The following PDZD7 variants were observed in gnomAD, a reference collection of about 807,000 sequenced individuals.
The protein encoded by PDZD7 is PDZ domain-containing protein 7.
PDZD7 carries 72 observed loss-of-function variants against 84.7 expected under a neutral mutation model. That is an observed-to-expected ratio of 0.85 (90% confidence interval 0.70 to 1.03). PDZD7 has a LOEUF of 1.03. Ranked by LOEUF, PDZD7 falls within the 50% of genes least tolerant of loss-of-function variation. The pLI is 0.00. For synonymous variants in PDZD7, 594 were observed against 580.7 expected, an observed-to-expected ratio of 1.02 and a Z score of -0.33; for missense variants, 1,490 against 1,412.9, an observed-to-expected ratio of 1.05 and a Z score of -0.87.
Position 101,019,201 on chromosome 10 carries a change from C to A in PDZD7, c.945G>T (p.Leu315=). The A allele has an allele frequency of 6.5e-7, 1 of 1,535,894 alleles. No individual in the cohort carries two copies. Among genetic ancestry groups the A allele is most frequent in the South Asian group, 1.2e-5 (1 of 84,026 alleles). ...CWLDRLSNGV[L]QQLSPASESS... Reference sequence around the variant, plus strand: ...TCTCAGAGGCCGGGGACAGCTGCTGCAGCACCCCGTTGCTCACTGCAGGGA... The same window carrying A: ...TCTCAGAGGCCGGGGACAGCTGCTGAAGCACCCCGTTGCTCACTGCAGGGA... The change falls in exon 8 of 17, where the codon CTG becomes CTT. Residue 315 remains leucine, a synonymous_variant. Transcript: ENST00000619208.
chr10:101,016,531 T>A (rs900921448), intron 9 of PDZD7, 104 bp from the exon 10 acceptor site: 2 of 1,239,914 alleles, frequency 1.6e-6, no homozygotes, highest in Non-Finnish European at 2.3e-6. Flanking sequence ...AGACTGGAAG[T>A]AGGTGGGATA....
At chr10:101,026,101 G>C (rs946631970) in intron 2 of PDZD7, among the ~76,000 whole-genome samples, 4 of 152,080 alleles carry the variant, frequency 2.6e-5, no homozygotes, top group African/African-American at 9.7e-5. Flanking sequence ...AGTAGGCGGG[G>C]AAGGGGGTTC....
Position 101,030,106 on chromosome 10 carries a change from G to A in PDZD7, c.114C>T (p.Thr38=). 3.7e-6 allele frequency: 6 copies of A among 1,614,216 alleles called. No homozygotes were observed. Among genetic ancestry groups the A allele is most frequent in the Non-Finnish European group, 5.1e-6 (6 of 1,180,034 alleles). The change falls in exon 2 of 17, where the codon ACC becomes ACT. Residue 38 remains threonine, a synonymous_variant. Transcript: ENST00000619208. ...GCTTCCTTAGCAGGTATCGCGTTGC[G>A]GTGGAGCCTGAGTCGCTGCCTAGGT... ...RGHLGSDSGS[T]ATRYLLRKQQ... is the part of the protein sequence containing the mutation.
In PDZD7 at chr10:101,008,697, G is replaced by C; in HGVS notation, c.2872C>G (p.Pro958Ala). The change falls in exon 17 of 17, where the codon CCC becomes GCC. Residue 958 changes from proline (P) to alanine (A), a missense_variant. Physicochemically the swap from Pro to Ala is conservative, Grantham distance 27. Transcript: ENST00000619208. ...TCAGTAAGGGCTGATGAGTCAGAGGGTGAGGGCCGTGGGCTGGGCCCGGGG... is the reference window on the plus strand; with the variant it reads ...TCAGTAAGGGCTGATGAGTCAGAGGCTGAGGGCCGTGGGCTGGGCCCGGGG... ...RVPGPSPRPS[P>A]SDSSALTDGG... is the part of the protein sequence containing the mutation. 1 of 1,536,024 alleles carries C rather than the reference G, an allele frequency of 6.5e-7. No homozygotes were observed. Among genetic ancestry groups the C allele is most frequent in the Admixed American group, 2.0e-5 (1 of 50,990 alleles).
Position 101,016,972 on chromosome 10 carries a change from G to A in PDZD7, c.1523-545C>T, listed in dbSNP as rs1161780043. 2.6e-5 allele frequency among the ~76,000 whole-genome samples: 4 copies of A among 152,124 alleles called. No homozygotes were observed. The East Asian group carries it at 7.7e-4, about 29-fold the overall frequency. ...GCAGGGTCCAGCTCCTCATCCTCTG[G>A]TTGTTTTGTTGATCCGACATCCACC... On this transcript the variant is annotated intron_variant, in intron 9 of 16. Transcript: ENST00000619208.
chr10:101,009,599 C>CTTTTTTTTT (rs142806278), intron 15 of PDZD7, among the ~76,000 whole-genome samples: 6 of 62,280 alleles, frequency 9.6e-5, no homozygotes, highest in Admixed American at 2.6e-4. Context: ...GAGACAGAGT[C>CTTTTTTTTT]TTTTTTTTTT....
rs1338435699 is a variant in PDZD7, at chr10:101,010,311, G to C, written c.2578C>G (p.Leu860Val). 4.6e-6 allele frequency: 7 copies of C among 1,535,400 alleles called. No individual in the cohort carries two copies. Among genetic ancestry groups the C allele is most frequent in the African/African-American group, 2.7e-5 (2 of 73,020 alleles). Reference sequence around the variant, plus strand: ...ATCTTGGACAGTGTCACTGTCTTCAGCTCGCCACTGGGGTTCTTCATGGCT... The same window carrying C: ...ATCTTGGACAGTGTCACTGTCTTCACCTCGCCACTGGGGTTCTTCATGGCT... ...EAAMKNPSGE[L>V]KTVTLSKMKQ... The change falls in exon 15 of 17, where the codon CTG becomes GTG. Residue 860 changes from leucine to valine, a missense_variant. Transcript: ENST00000619208.
chr10:101,009,339 A>G lies in PDZD7; in HGVS notation c.2629T>C (p.Ser877Pro). The G allele has an allele frequency of 3.9e-6, 6 of 1,535,948 alleles. No individual in the cohort carries two copies. The highest frequency in any genetic ancestry group is 5.2e-6 in the Non-Finnish European group (6 of 1,146,768). ...TGCACCTTGGACTCAATGCCCCCAG[A>G]AATGCTGATACCTAGTGACAGGGAG... Reference protein sequence around the residue: ...KMKQSLGISISGGIESKVQPM... With the variant: ...KMKQSLGISIPGGIESKVQPM... The change falls in exon 16 of 17, where the codon TCT becomes CCT. Residue 877 changes from serine to proline, a missense_variant. Coordinates refer to ENST00000619208, the MANE Select transcript of PDZD7 (RefSeq NM_001195263.2).
chr10:101,019,135 G>C lies in PDZD7; in HGVS notation c.1011C>G (p.Tyr337Ter), dbSNP rs34705415. 9.7e-6 allele frequency: 15 copies of C among 1,546,472 alleles called. No homozygotes were observed. Among genetic ancestry groups the C allele is most frequent in the Non-Finnish European group, 1.3e-5 (15 of 1,152,422 alleles). The change falls in exon 8 of 17, where the codon TAC (tyrosine) becomes TAG (stop). Residue 337 changes from tyrosine to a stop codon, truncating the protein, a stop_gained. Transcript: ENST00000619208. LOFTEE classifies it high-confidence loss of function. Reference sequence around the variant, plus strand: ...GGTCCGACGGCAGGGAGCCCGAGCTGTAGGGGGCGCTGGAGGCGCACGAAG... The same window carrying C: ...GGTCCGACGGCAGGGAGCCCGAGCTCTAGGGGGCGCTGGAGGCGCACGAAG... ...SVSSCASSAP[Y>*]SSGSLPSDRM... is the part of the protein sequence containing the mutation.
intron 2 of PDZD7, among the ~76,000 whole-genome samples, chr10:101,026,350 G>A (rs1446547123): frequency 6.6e-6 from 1 of 151,970 alleles, no homozygotes; most frequent in Non-Finnish European, 1.5e-5. Flanking sequence ...GGCCAGGCTG[G>A]TCTCGAACTC....
rs768381051 is a variant in PDZD7, at chr10:101,018,116, C to T, written c.1505G>A (p.Arg502His). The change falls in exon 9 of 17, where the codon CGC (arginine) becomes CAC (histidine). Residue 502 changes from arginine to histidine, a missense_variant. By Grantham distance (29) the Arg-to-His change is conservative. Transcript: ENST00000619208. ...CTACTTACCTTTCTCTATGTCCAGG[C>T]GAGGGTAAGTTTTGGCCAGGCTCCC... ...DSGSLAKTYP[R>H]LDIEKAGGVG... 3.1e-6 allele frequency: 5 copies of T among 1,614,146 alleles called. No individual in the cohort carries two copies. The highest frequency in any genetic ancestry group is 4.2e-6 in the Non-Finnish European group (5 of 1,180,036).
At chr10:101,022,679 T>A (rs1042681982) in intron 4 of PDZD7, among the ~76,000 whole-genome samples, 3 of 151,610 alleles carry the variant, frequency 2.0e-5, no homozygotes, top group Non-Finnish European at 4.4e-5. Flanking sequence ...CACTGCAGCC[T>A]CAACCTCCTG....
At chr10:101,017,854 AG>A (rs1364248750) in intron 9 of PDZD7, 2 of 364,178 alleles carry the variant, frequency 5.5e-6, no homozygotes, top group Non-Finnish European at 9.3e-6. Flanking sequence ...AAAGAAAGAA[AG>A]AAAGAAAGAA....
At chr10:101,021,066 T>C (rs1318247974) in intron 6 of PDZD7, among the ~76,000 whole-genome samples, 2 of 152,084 alleles carry the variant, frequency 1.3e-5, no homozygotes, top group Non-Finnish European at 2.9e-5. Flanking sequence ...GGCCGGCACA[T>C]AGTGGGTGCT....
At chr10:101,015,449 C>T (rs1178885338) in intron 11 of PDZD7, among the ~76,000 whole-genome samples, 187 bp downstream of exon 11, 1 of 149,640 alleles carries the variant, frequency 6.7e-6, no homozygotes, top group African/African-American at 2.5e-5. Flanking sequence ...AGCTCTTCTT[C>T]CTGTGAGCTG....
At position 101,007,901 on chromosome 10, in the gene PDZD7, C is replaced by T. The variant is rs935142847; in HGVS notation, c.*566G>A. Reference sequence around the variant, plus strand: ...CCCCCCCCCCCCCACCATTTGCTGGCTATTCTCCTCCCCCTCATAGAGCTC... The same window carrying T: ...CCCCCCCCCCCCCACCATTTGCTGGTTATTCTCCTCCCCCTCATAGAGCTC... On this transcript the variant is annotated 3_prime_UTR_variant, in exon 17 of 17. Coordinates refer to ENST00000619208, the MANE Select transcript of PDZD7 (RefSeq NM_001195263.2). 1 of 102,312 alleles carries T rather than the reference C, an allele frequency of 9.8e-6. No homozygotes were observed. Among genetic ancestry groups the T allele is most frequent in the African/African-American group, 3.9e-5 (1 of 25,772 alleles). The allele number at this position is 102,312 out of a possible 1,614,324, so 6.3% of individuals were successfully genotyped here.
In PDZD7 at chr10:101,021,857, T is replaced by C. The variant is rs1564637155; in HGVS notation, c.808A>G (p.Ser270Gly). The stretch of plus-strand genomic sequence containing the variant: ...AGCACCTCCACGGCCTGGCTGTGGC[T>C]GATGTCGTCAAACCTGACACCGTTG... ...AANGVRFDDI[S>G]HSQAVEVLKG... is the part of the protein sequence containing the mutation. Residue 270 changes from serine (S) to glycine (G), a missense_variant, in exon 6 of 17, where the codon AGC (serine) becomes GGC (glycine). Physicochemically the swap from Ser to Gly is moderately conservative, Grantham distance 56 (BLOSUM62 0). Transcript: ENST00000619208. 2 of 1,614,198 alleles carry C rather than the reference T, an allele frequency of 1.2e-6. No homozygotes were observed. The highest frequency in any genetic ancestry group is 8.5e-7 in the Non-Finnish European group (1 of 1,180,040).
rs369952350 is a variant in PDZD7 at position 101,021,936 on chromosome 10, A to G, written c.729T>C (p.His243=). The change falls in exon 6 of 17, where the codon CAT becomes CAC. Residue 243 remains histidine, a synonymous_variant. Transcript: ENST00000619208. ...TGCCATTCTCCTCGGCCAGCCCACC[A>G]TGGTCCACTCTGAGGCCAGACAGGC... ...GLGIYVSKVD[H]GGLAEENGIK... The G allele has an allele frequency of 6.2e-7, 1 of 1,614,034 alleles. No homozygotes were observed. The highest frequency in any genetic ancestry group is 1.7e-5 in the Admixed American group (1 of 60,008).
At chr10:101,020,920 C>A (rs1853057676) in intron 6 of PDZD7, among the ~76,000 whole-genome samples, 3 of 152,208 alleles carry the variant, frequency 2.0e-5, no homozygotes, top group African/African-American at 7.2e-5. Flanking sequence ...CTGAATTACT[C>A]CATTCCATCT....
Sources: gnomAD v4.1 joint callset for allele counts (sites outside exome capture counted in the v4.1 genomes callset) on GRCh38, gnomAD v4.1.1 for gene constraint, MANE v1.5 for transcripts, NCBI Gene and HGNC (gene_info 2026-07-23, HGNC 2026-07-21) for gene names.